The following NAV3 variants were observed in gnomAD, a reference collection of about 807,000 sequenced individuals.
NAV3 encodes the protein neuron navigator 3.
NAV3 carries 87 observed loss-of-function variants against 244.7 expected under a neutral mutation model. That is an observed-to-expected ratio of 0.36 (90% CI 0.30 to 0.42). NAV3 has a LOEUF of 0.42. NAV3 is among the 20% of genes least tolerant of loss of function. NAV3 has a pLI of 1.00. For missense variants in NAV3, 2,663 were observed against 2,893.3 expected (o/e 0.92, Z 1.83); for synonymous variants, 1,126 against 1,042.2 (o/e 1.08, Z -1.55).
chr12:77,722,534 A>T (rs1388625314), intron 2 of NAV3, among the ~76,000 whole-genome samples: 1 of 152,088 alleles, frequency 6.6e-6, no homozygotes, highest in Non-Finnish European at 1.5e-5. Flanking sequence ...TGGTAATTTT[A>T]CAAAATGGGC....
chr12:78,178,969 G>A (rs1285787095), intron 28 of NAV3, among the ~76,000 whole-genome samples: 3 of 152,022 alleles, frequency 2.0e-5, no homozygotes, highest in Admixed American at 1.3e-4. Context: ...GAGCCCAGTA[G>A]GGAGGTTATA....
chr12:77,917,187 AGGTTT>A (rs1443989967), intron 1 of NAV3, among the ~76,000 whole-genome samples: 1 of 152,016 alleles, frequency 6.6e-6, no homozygotes, highest in Non-Finnish European at 1.5e-5. Flanking sequence ...GCTGTGGAAG[AGGTTT>A]GCCTGCATTA....
intron 2 of NAV3, among the ~76,000 whole-genome samples, chr12:77,597,441 C>T (rs946026148): frequency 2.0e-5 from 3 of 151,932 alleles, no homozygotes; most frequent in East Asian, 1.9e-4. Flanking sequence ...AGGGCATAGA[C>T]GAGGCTTAGT....
At chr12:78,099,681 A>G (rs1954442503) in intron 12 of NAV3, among the ~76,000 whole-genome samples, 1 of 151,970 alleles carries the variant, frequency 6.6e-6, no homozygotes, top group African/African-American at 2.4e-5. Flanking sequence ...CAGCATCTTT[A>G]AAATGAGCAT....
intron 2 of NAV3, among the ~76,000 whole-genome samples, chr12:77,671,412 AT>A (rs1873967183): frequency 6.6e-6 from 1 of 152,104 alleles, no homozygotes; most frequent in South Asian, 2.1e-4. Flanking sequence ...GAAAAAAATG[AT>A]CCTAAAATTC....
chr12:77,925,532 GA>G (rs1482361647), intron 1 of NAV3, among the ~76,000 whole-genome samples: 1 of 24,484 alleles, frequency 4.1e-5, no homozygotes, highest in Non-Finnish European at 7.8e-5. Flanking sequence ...ATTTTAGGAT[GA>G]AAAGGCGGGG....
intron 9 of NAV3, among the ~76,000 whole-genome samples, chr12:78,026,687 C>T (rs568283843): frequency 6.6e-6 from 1 of 152,056 alleles, no homozygotes; most frequent in Non-Finnish European, 1.5e-5. Context: ...CTAAGATACC[C>T]TAGAATAATT....
intron 2 of NAV3, among the ~76,000 whole-genome samples, chr12:77,751,615 C>A (rs1048405612): frequency 6.6e-6 from 1 of 152,076 alleles, no homozygotes; most frequent in Non-Finnish European, 1.5e-5. Context: ...TTCCTGAGGC[C>A]CCCCCAGCCA....
At chr12:77,734,171 TA>T (rs1298324209) in intron 2 of NAV3, among the ~76,000 whole-genome samples, 4 of 152,098 alleles carry the variant, frequency 2.6e-5, no homozygotes, top group Non-Finnish European at 5.9e-5. Context: ...GCTATGAGGA[TA>T]AAAGTATAGG....
At chr12:78,111,047 TGA>T (rs1955069005) in intron 12 of NAV3, among the ~76,000 whole-genome samples, 1 of 151,872 alleles carries the variant, frequency 6.6e-6, no homozygotes, top group South Asian at 2.1e-4. Flanking sequence ...GGAGGGAAGG[TGA>T]AGAGAAGAGA....
At chr12:77,621,365 C>A (rs1007171511) in intron 2 of NAV3, among the ~76,000 whole-genome samples, 15 of 152,088 alleles carry the variant, frequency 9.9e-5, no homozygotes, top group African/African-American at 3.6e-4. Context: ...GAGAAATGAA[C>A]CACTGTGACC....
At chr12:77,696,676 G>A (rs915528147) in intron 2 of NAV3, among the ~76,000 whole-genome samples, 1 of 152,154 alleles carries the variant, frequency 6.6e-6, no homozygotes, top group Non-Finnish European at 1.5e-5. Context: ...TACCAGACTA[G>A]CCCTTGGGAA....
In NAV3 at chr12:78,177,163, C is replaced by G. The variant is rs780549641; in HGVS notation, c.5147C>G (p.Ala1716Gly). ...GSELRSSFKQ[A>G]FGKKKSTKPP... is the part of the protein sequence containing the mutation. ...CAGCTGAGAAGTTCTTTCAAACAAG[C>G]CTTTGGGAAGAAAAAGTCCACCAAG... The change falls in exon 27 of 40, where the codon GCC (alanine) becomes GGC (glycine). Residue 1716 changes from alanine (A) to glycine (G), a missense_variant. By Grantham distance (60) the Ala-to-Gly change is moderately conservative. Around this residue, in one of 6 missense-constraint regions of NAV3, gnomAD observed 193 missense variants for 200.7 expected, o/e 0.96. Transcript: ENST00000397909. 1.1e-5 allele frequency: 18 copies of G among 1,613,132 alleles called. No individual in the cohort carries two copies. Among genetic ancestry groups the G allele is most frequent in the South Asian group, 2.2e-5 (2 of 91,038 alleles).
At chr12:77,940,987 A>AT (rs933424724) in intron 2 of NAV3, 94 bp from the exon 3 acceptor site, 3,501 of 737,328 alleles carry the variant, frequency 4.7e-3, no homozygotes, top group Non-Finnish European at 5.3e-3. Flanking sequence ...TTTGCTTGGT[A>AT]TTTTTTTTTT....
intron 24 of NAV3, among the ~76,000 whole-genome samples, chr12:78,171,688 A>AAT (rs1281020914): frequency 1.3e-5 from 2 of 151,608 alleles, no homozygotes; most frequent in Non-Finnish European, 3.0e-5. Context: ...CAGTTGGACT[A>AAT]ATTATGTGTC....
chr12:78,170,141 G>A lies in NAV3; in HGVS notation c.4981+1275G>A, dbSNP rs1957943549. ...CTCTGTATATCCAGCTACCAAGAGA[G>A]AACTCCACGTGGATATCTTTGGATG... On this transcript the variant is annotated intron_variant, in intron 24 of 39. Coordinates refer to ENST00000397909, the MANE Select transcript of NAV3 (RefSeq NM_001024383.2). Among the ~76,000 whole-genome samples the A allele has an allele frequency of 2.6e-5, 4 of 151,710 alleles. No individual in the cohort carries two copies. The Admixed American group carries it at 2.6e-4, about 10-fold the overall frequency.
chr12:77,981,634 A>G (rs1869579203), intron 5 of NAV3, among the ~76,000 whole-genome samples: 1 of 151,914 alleles, frequency 6.6e-6, no homozygotes, highest in Non-Finnish European at 1.5e-5. Flanking sequence ...TTTTTTCTCA[A>G]GCCATTTTCA....
Position 77,750,367 on chromosome 12 carries a change from A to G in NAV3, c.72+178101A>G, listed in dbSNP as rs75956796. Reference sequence around the variant, plus strand: ...GACTCCATCTCAAAACAACAACAACAAAAATACAAGAACAGAACATAACCT... The same window carrying G: ...GACTCCATCTCAAAACAACAACAACGAAAATACAAGAACAGAACATAACCT... On this transcript the variant is annotated intron_variant, in intron 2 of 8. Transcript: ENST00000550042. Among the ~76,000 whole-genome samples the G allele has an allele frequency of 2.4e-3, 361 of 152,112 alleles. 1 individual carries two copies. The highest frequency in any genetic ancestry group is 0.017 in the Middle Eastern group (5 of 294).
chr12:77,771,182 A>G (rs1392702598), intron 2 of NAV3, among the ~76,000 whole-genome samples: 1 of 152,268 alleles, frequency 6.6e-6, no homozygotes, highest in Non-Finnish European at 1.5e-5. Context: ...ATCACTAGCC[A>G]TCAGAGAAAT....
Sources: allele counts gnomAD v4.1 joint callset (sites outside exome capture counted in the v4.1 genomes callset), GRCh38; gene constraint gnomAD v4.1.1; regional missense constraint gnomAD v4.1.1; transcripts MANE v1.5; gene names NCBI Gene and HGNC (gene_info 2026-07-23, HGNC 2026-07-21).